Variants in LDAH observed in about 807,000 individuals in gnomAD.
The protein encoded by LDAH is lipid droplet-associated hydrolase.
A neutral mutation model predicts 29.6 loss-of-function variants in LDAH; 26 were observed. That is an observed-to-expected ratio of 0.88 (90% CI 0.64 to 1.22). LDAH has a LOEUF of 1.22. Ranked by LOEUF, LDAH falls within the 50% of genes most tolerant of loss-of-function variation. The pLI, the probability that LDAH is intolerant of heterozygous loss-of-function variation, is 0.00. For synonymous variants in LDAH, 117 were observed against 133.0 expected (o/e 0.88, Z 0.83); for missense variants, 344 against 387.3 (o/e 0.89, Z 0.94).
chr2:20,792,864 A>C (rs1277169895), intron 2 of LDAH, among the ~76,000 whole-genome samples: 1 of 152,172 alleles, frequency 6.6e-6, no homozygotes, highest in Non-Finnish European at 1.5e-5. Flanking sequence ...GCACATGTAT[A>C]CCTATGTAAC....
intron 5 of LDAH, among the ~76,000 whole-genome samples, chr2:20,720,534 T>C (rs1238574853): frequency 6.6e-6 from 1 of 152,136 alleles, no homozygotes; most frequent in African/African-American, 2.4e-5. Flanking sequence ...ATCATTGAAA[T>C]GTTATATGAC....
At chr2:20,823,101 TGCC>T (rs1673458555), upstream of LDAH, 1 of 152,244 alleles carries the variant, frequency 6.6e-6, no homozygotes, top group Non-Finnish European at 1.5e-5. Flanking sequence ...AGACCGGAAG[TGCC>T]CCCCTCAGGT....
intron 5 of LDAH, among the ~76,000 whole-genome samples, chr2:20,726,060 C>T (rs1289300310): frequency 1.3e-5 from 2 of 152,182 alleles, no homozygotes; most frequent in Non-Finnish European, 2.9e-5. Flanking sequence ...TTTCTGTTAT[C>T]TATAGTCAAA....
At chr2:20,813,735 G>A (rs1417993886) in intron 1 of LDAH, among the ~76,000 whole-genome samples, 1 of 152,172 alleles carries the variant, frequency 6.6e-6, no homozygotes, top group Non-Finnish European at 1.5e-5. Context: ...ATCACTAAGT[G>A]ATACCACACT....
At chr2:20,764,723 C>A (rs920803017) in intron 4 of LDAH, among the ~76,000 whole-genome samples, 4 of 152,194 alleles carry the variant, frequency 2.6e-5, no homozygotes, top group African/African-American at 9.7e-5. Flanking sequence ...TTTGTGAAAG[C>A]AACTTAGTCT....
intron 1 of LDAH, among the ~76,000 whole-genome samples, chr2:20,815,572 G>C (rs962384625): frequency 3.3e-5 from 5 of 152,208 alleles, no homozygotes; most frequent in African/African-American, 9.6e-5. Flanking sequence ...ACAATAATTT[G>C]AATGCCATCA....
intron 3 of LDAH, among the ~76,000 whole-genome samples, chr2:20,775,905 G>A (rs1298008825): frequency 6.6e-6 from 1 of 152,114 alleles, no homozygotes; most frequent in Non-Finnish European, 1.5e-5. Context: ...CATGTGTCCT[G>A]TGACTAGTAC....
intron 4 of LDAH, among the ~76,000 whole-genome samples, chr2:20,744,038 C>A (rs1437808512): frequency 2.6e-5 from 4 of 152,044 alleles, no homozygotes; most frequent in African/African-American, 9.6e-5. Context: ...TACTCTCTAG[C>A]ATTTCTCTTT....
At chr2:20,692,887 T>G (rs1183610034) in intron 6 of LDAH, among the ~76,000 whole-genome samples, 3 of 152,208 alleles carry the variant, frequency 2.0e-5, no homozygotes, top group Non-Finnish European at 4.4e-5. Flanking sequence ...TCATAATGTC[T>G]TTATATCACA....
At chr2:20,776,881 A>G (rs551477059) in intron 3 of LDAH, among the ~76,000 whole-genome samples, 2 of 152,314 alleles carry the variant, frequency 1.3e-5, no homozygotes, top group Admixed American at 1.3e-4. Context: ...CTGTTGGGAC[A>G]GTAGGTGCAG....
At chr2:20,701,091 T>C (rs1016838875) in intron 6 of LDAH, among the ~76,000 whole-genome samples, 1 of 152,152 alleles carries the variant, frequency 6.6e-6, no homozygotes, top group Non-Finnish European at 1.5e-5. Context: ...GATTCTAGTA[T>C]TTGCAGCATA....
chr2:20,769,384 C>T (rs942996234), intron 4 of LDAH, among the ~76,000 whole-genome samples: 13 of 152,132 alleles, frequency 8.5e-5, no homozygotes, highest in African/African-American at 1.7e-4. Flanking sequence ...AAATTTACTA[C>T]GACAAATGAG....
intron 5 of LDAH, among the ~76,000 whole-genome samples, chr2:20,739,441 A>C (rs1021368305): frequency 6.6e-6 from 1 of 152,258 alleles, no homozygotes; most frequent in Non-Finnish European, 1.5e-5. Flanking sequence ...GCCAAAAAGT[A>C]AAGTCACAAA....
chr2:20,793,034 A>T (rs1450433187), intron 2 of LDAH, among the ~76,000 whole-genome samples: 1 of 152,188 alleles, frequency 6.6e-6, no homozygotes, highest in Non-Finnish European at 1.5e-5. Context: ...CAAGTAAATG[A>T]TGATGCCAAT....
At chr2:20,792,502 A>T (rs952186480) in intron 2 of LDAH, among the ~76,000 whole-genome samples, 5 of 152,210 alleles carry the variant, frequency 3.3e-5, no homozygotes, top group Non-Finnish European at 7.3e-5. Context: ...CTGAATTTTT[A>T]AAAAACATCA....
intron 3 of LDAH, among the ~76,000 whole-genome samples, chr2:20,778,148 C>A (rs750860487): frequency 2.6e-5 from 4 of 152,132 alleles, no homozygotes; most frequent in Admixed American, 6.5e-5. Context: ...ACATAAGAAA[C>A]TCCATTTTGT....
chr2:20,769,025 C>T (rs1249705990), intron 4 of LDAH, among the ~76,000 whole-genome samples: 1 of 152,192 alleles, frequency 6.6e-6, no homozygotes, highest in Non-Finnish European at 1.5e-5. Flanking sequence ...TTGTCCATCT[C>T]TATCAACCTT....
chr2:20,704,898 C>A (rs1664196729), intron 5 of LDAH, among the ~76,000 whole-genome samples: 1 of 152,176 alleles, frequency 6.6e-6, no homozygotes, highest in Admixed American at 6.5e-5. Flanking sequence ...TTCTGTCCCT[C>A]CCCCCACAGA....
intron 2 of LDAH, among the ~76,000 whole-genome samples, chr2:20,798,493 G>A (rs1490898159): frequency 6.6e-6 from 1 of 151,234 alleles, no homozygotes; most frequent in Non-Finnish European, 1.5e-5. Context: ...TTAACCCAGG[G>A]AAAACAAACA....
Sources: allele counts gnomAD v4.1 joint callset (sites outside exome capture counted in the v4.1 genomes callset), GRCh38; gene constraint gnomAD v4.1.1; transcripts MANE v1.5; gene names NCBI Gene and HGNC (gene_info 2026-07-23, HGNC 2026-07-21).